Variants in LMNTD1 observed in about 807,000 individuals in gnomAD.
The protein encoded by LMNTD1 is lamin tail domain containing 1.
In LMNTD1, 35 loss-of-function variants were observed where a neutral mutation model predicts 50.9. That is an observed-to-expected ratio of 0.69 (90% CI 0.53 to 0.91). The LOEUF is 0.91. Ranked by LOEUF, LMNTD1 falls within the 40% of genes least tolerant of loss-of-function variation. The pLI, the probability that LMNTD1 is intolerant of heterozygous loss-of-function variation, is 0.00. For missense variants in LMNTD1, 470 were observed against 475.5 expected, an observed-to-expected ratio of 0.99 and a Z score of 0.11; for synonymous variants, 153 against 161.9, an observed-to-expected ratio of 0.94 and a Z score of 0.42.
At chr12:25,643,654 G>A (rs1430347468) in intron 1 of LMNTD1, among the ~76,000 whole-genome samples, 1 of 152,122 alleles carries the variant, frequency 6.6e-6, no homozygotes, top group Non-Finnish European at 1.5e-5. Flanking sequence ...ATGACTAATC[G>A]AGTGTCACTT....
intron 1 of LMNTD1, among the ~76,000 whole-genome samples, chr12:25,617,084 A>G (rs1172895588): frequency 6.6e-6 from 1 of 152,252 alleles, no homozygotes; most frequent in African/African-American, 2.4e-5. Flanking sequence ...ATGGAGACTC[A>G]GAGAGGTAAA....
Position 25,506,298 on chromosome 12 carries a change from T to C in LMNTD1, c.1190-2498A>G, listed in dbSNP as rs534545410. Among the ~76,000 whole-genome samples the C allele has an allele frequency of 1.9e-4, 29 of 152,366 alleles. 1 individual carries two copies. The South Asian group carries it at 6.0e-3, about 32-fold the overall frequency. ...AAACAAAGGAGCATCATCATTATTA[T>C]TACTATGATAACATTTACATAGAAG... On this transcript the variant is annotated intron_variant, in intron 8 of 9. Transcript: ENST00000458174.
intron 4 of LMNTD1, among the ~76,000 whole-genome samples, chr12:25,527,681 TACACACACACACACACACACAC>T (rs376707066): frequency 3.2e-3 from 105 of 32,318 alleles, no homozygotes; most frequent in African/African-American, 0.011. Context: ...TATATATATA[TACACACACACACACACACACAC>T]ACACACACAC....
chr12:25,574,692 G>A (rs1023866579), intron 1 of LMNTD1, among the ~76,000 whole-genome samples: 1 of 151,936 alleles, frequency 6.6e-6, no homozygotes, highest in Admixed American at 6.6e-5. Flanking sequence ...TTTCATTACC[G>A]TTGTTTTTGT....
chr12:25,605,722 A>G (rs568510139), intron 1 of LMNTD1, among the ~76,000 whole-genome samples: 74 of 152,306 alleles, frequency 4.9e-4, no homozygotes, highest in African/African-American at 1.8e-3. Flanking sequence ...TGGTACCAGT[A>G]CCATTCTGTT....
chr12:25,625,646 C>A (rs1210714919), intron 1 of LMNTD1, among the ~76,000 whole-genome samples: 1 of 152,200 alleles, frequency 6.6e-6, no homozygotes, highest in Non-Finnish European at 1.5e-5. Flanking sequence ...TTTTCAGACT[C>A]CCCGGCTTAC....
At chr12:25,537,617 TG>T (rs1942701899) in intron 4 of LMNTD1, among the ~76,000 whole-genome samples, 1 of 151,192 alleles carries the variant, frequency 6.6e-6, no homozygotes, top group African/African-American at 2.4e-5. Context: ...ACCACAAAGA[TG>T]GGGAAAAAAC....
intron 9 of LMNTD1, among the ~76,000 whole-genome samples, chr12:25,497,176 T>C (rs1214857546): frequency 6.6e-6 from 1 of 152,108 alleles, no homozygotes; most frequent in Non-Finnish European, 1.5e-5. Context: ...AGTACAAAAG[T>C]GAGTCAGCCA....
intron 9 of LMNTD1, among the ~76,000 whole-genome samples, chr12:25,497,316 C>T (rs1378044669): frequency 1.3e-5 from 2 of 152,156 alleles, no homozygotes; most frequent in Non-Finnish European, 2.9e-5. Context: ...TTTCAACGGC[C>T]GGCGGGAAGC....
chr12:25,613,778 G>A (rs1465592563), intron 1 of LMNTD1, among the ~76,000 whole-genome samples: 1 of 46,626 alleles, frequency 2.1e-5, no homozygotes, highest in African/African-American at 3.8e-5. Flanking sequence ...ATTGGAAAGA[G>A]AGAAAGTATT....
At chr12:25,639,766 A>G (rs1417012496) in intron 1 of LMNTD1, among the ~76,000 whole-genome samples, 2 of 152,206 alleles carry the variant, frequency 1.3e-5, no homozygotes, top group Admixed American at 1.3e-4. Flanking sequence ...TTAAACATAT[A>G]GTTACCTTAT....
chr12:25,538,480 A>G (rs1033087416), intron 4 of LMNTD1, among the ~76,000 whole-genome samples: 1 of 143,012 alleles, frequency 7.0e-6, no homozygotes, highest in African/African-American at 2.6e-5. Context: ...ACTAAGCTTC[A>G]TAAGTGAAGG....
intron 1 of LMNTD1, among the ~76,000 whole-genome samples, chr12:25,642,843 C>T (rs372308957): frequency 1.3e-5 from 2 of 152,338 alleles, no homozygotes; most frequent in East Asian, 1.9e-4. Flanking sequence ...CAGCCCCAAC[C>T]TGAGCTCAGT....
At chr12:25,484,051 C>T (rs899585175) in intron 9 of LMNTD1, among the ~76,000 whole-genome samples, 1 of 151,568 alleles carries the variant, frequency 6.6e-6, no homozygotes, top group Non-Finnish European at 1.5e-5. Context: ...TTTAAGTCAC[C>T]CGGATAGTTA....
At chr12:25,544,379 A>G (rs1453623941) in intron 4 of LMNTD1, among the ~76,000 whole-genome samples, 1 of 145,454 alleles carries the variant, frequency 6.9e-6, no homozygotes, top group Non-Finnish European at 1.5e-5. Context: ...AAGTATAGCT[A>G]CTCCTACTCT....
intron 1 of LMNTD1, among the ~76,000 whole-genome samples, chr12:25,560,662 C>A (rs1464619645): frequency 1.3e-5 from 2 of 152,124 alleles, no homozygotes; most frequent in South Asian, 2.1e-4. Context: ...AATATTGATT[C>A]TTCCTATCCA....
At chr12:25,639,742 A>C (rs1946913099) in intron 1 of LMNTD1, among the ~76,000 whole-genome samples, 1 of 152,210 alleles carries the variant, frequency 6.6e-6, no homozygotes. Flanking sequence ...AAACAGTTTG[A>C]CATTCTGAAA....
intron 1 of LMNTD1, among the ~76,000 whole-genome samples, chr12:25,568,552 G>C (rs988335385): frequency 2.3e-4 from 35 of 152,212 alleles, no homozygotes; most frequent in Admixed American, 2.0e-3. Context: ...AGGCCTGGAA[G>C]GCATTTCAGA....
chr12:25,486,576 T>C (rs1223598998), intron 9 of LMNTD1, among the ~76,000 whole-genome samples: 2 of 145,600 alleles, frequency 1.4e-5, no homozygotes, highest in Non-Finnish European at 3.0e-5. Context: ...CATCCCTGTC[T>C]TGTGCCAGTT....
Sources: gnomAD v4.1 joint callset for allele counts (sites outside exome capture counted in the v4.1 genomes callset) on GRCh38, gnomAD v4.1.1 for gene constraint, MANE v1.5 for transcripts, NCBI Gene and HGNC (gene_info 2026-07-23, HGNC 2026-07-21) for gene names.